Variants in ZNF804B observed in about 807,000 individuals in gnomAD.
ZNF804B encodes the protein zinc finger protein 804B, also known as zinc finger 804B.
Under a neutral mutation model 101.4 loss-of-function variants are expected in ZNF804B, and 80 were observed. The ratio of observed to expected loss-of-function variants is 0.79; its 90% CI spans 0.66 to 0.95. The LOEUF (loss-of-function observed/expected upper bound fraction) is 0.95. Among genes scored for constraint, ZNF804B ranks in the 40% least tolerant of loss-of-function variants. ZNF804B has a pLI of 0.00. For missense variants in ZNF804B, 1,673 were observed against 1,561.9 expected (o/e 1.07, Z -1.20); for synonymous variants, 622 against 558.8 (o/e 1.11, Z -1.59).
intron 3 of ZNF804B, among the ~76,000 whole-genome samples, chr7:89,331,977 A>G (rs183214995): frequency 6.6e-6 from 1 of 151,552 alleles, no homozygotes; most frequent in East Asian, 1.9e-4. Context: ...ACTATGTTCT[A>G]TTAAAATGTT....
chr7:88,844,190 C>T (rs959081976), intron 1 of ZNF804B, among the ~76,000 whole-genome samples: 1 of 152,052 alleles, frequency 6.6e-6, no homozygotes, highest in Non-Finnish European at 1.5e-5. Context: ...CATTATAATG[C>T]CAAAGAGTAT....
intron 1 of ZNF804B, among the ~76,000 whole-genome samples, chr7:88,788,666 G>A (rs1482325269): frequency 6.6e-6 from 1 of 152,104 alleles, no homozygotes; most frequent in African/African-American, 2.4e-5. Context: ...GGTGTAGGCA[G>A]GAATGCAAAC....
intron 2 of ZNF804B, among the ~76,000 whole-genome samples, chr7:89,284,723 G>GT (rs1397392435): frequency 6.6e-5 from 10 of 152,008 alleles, no homozygotes; most frequent in Admixed American, 2.0e-4. Context: ...AAAAAATAAA[G>GT]TTATTATATG....
intron 1 of ZNF804B, among the ~76,000 whole-genome samples, chr7:88,915,366 G>A (rs974064506): frequency 2.6e-5 from 4 of 151,882 alleles, no homozygotes; most frequent in South Asian, 4.1e-4. Context: ...AAAACTATAC[G>A]GGGTTAACTC....
chr7:88,941,353 G>A (rs749403113), intron 1 of ZNF804B, among the ~76,000 whole-genome samples: 4 of 151,970 alleles, frequency 2.6e-5, no homozygotes, highest in Non-Finnish European at 5.9e-5. Flanking sequence ...CTAAAACTTG[G>A]AAGTAACCAA....
At chr7:89,017,372 T>C (rs1044395780) in intron 1 of ZNF804B, among the ~76,000 whole-genome samples, 6 of 152,192 alleles carry the variant, frequency 3.9e-5, no homozygotes, top group Admixed American at 3.9e-4. Context: ...TCCAACACTA[T>C]GTTGAATAGG....
In ZNF804B at chr7:88,873,823, A is replaced by T. The variant is rs1791879813; in HGVS notation, c.108+113739A>T. On this transcript the variant is annotated intron_variant, in intron 1 of 3. Transcript: ENST00000333190. Reference sequence around the variant, plus strand: ...CTGAGGGCTCTGTTCTGTTCCATTGATCTATATCTTTGTTTTGGTACCAGT... The same window carrying T: ...CTGAGGGCTCTGTTCTGTTCCATTGTTCTATATCTTTGTTTTGGTACCAGT... Among the ~76,000 whole-genome samples the T allele has an allele frequency of 2.0e-5, 3 of 151,990 alleles. No individual in the cohort carries two copies. In the South Asian group the frequency reaches 6.2e-4, roughly 32 times the overall value.
In ZNF804B at chr7:89,112,016, G is replaced by C. The variant is rs1441164255; in HGVS notation, c.109-106139G>C. On this transcript the variant is annotated intron_variant, in intron 1 of 3. Coordinates refer to ENST00000333190, the MANE Select transcript of ZNF804B (RefSeq NM_181646.5). Reference sequence around the variant, plus strand: ...AGCTGTTTGGGAGGCTGAGGCCGGAGAATCGCTTGAACCTGGGAGACCTAG... The same window carrying C: ...AGCTGTTTGGGAGGCTGAGGCCGGACAATCGCTTGAACCTGGGAGACCTAG... Among the ~76,000 whole-genome samples the C allele has an allele frequency of 7.4e-5, 11 of 148,432 alleles. No homozygotes were observed. In the East Asian group the frequency reaches 2.2e-3, roughly 30 times the overall value.
In ZNF804B at chr7:88,942,001, G is replaced by A. The variant is rs114588188; in HGVS notation, c.108+181917G>A. 2.8e-3 allele frequency among the ~76,000 whole-genome samples: 431 copies of A among 151,942 alleles called. 1 individual carries two copies. The highest frequency in any genetic ancestry group is 9.9e-3 in the African/African-American group (411 of 41,488). On this transcript the variant is annotated intron_variant, in intron 1 of 3. Transcript: ENST00000333190. ...TTATAGACAATATCTAAGGTTTTTA[G>A]TTGTGCCTAGATGAAGGAAGCTCTT...
In ZNF804B at chr7:89,336,705, A is replaced by C. The variant is rs779827026; in HGVS notation, c.3723A>C (p.Ala1241=). ...CTCATCTACATCCTCTTTCACAGGC[A>C]CATTTCAGTCCTATTTCATTTTCGA... ...PIAHLHPLSQ[A]HFSPISFSTL... The change falls in exon 4 of 4, where the codon GCA becomes GCC. Residue 1241 remains alanine (A), a synonymous_variant. Coordinates refer to ENST00000333190, the MANE Select transcript of ZNF804B (RefSeq NM_181646.5). The C allele has an allele frequency of 2.0e-5, 32 of 1,613,968 alleles. No homozygotes were observed. Among genetic ancestry groups the C allele is most frequent in the Non-Finnish European group, 2.3e-5 (27 of 1,180,026 alleles).
intron 1 of ZNF804B, among the ~76,000 whole-genome samples, chr7:88,970,345 C>CT: frequency 2.8e-4 from 1 of 3,514 alleles, no homozygotes; most frequent in South Asian, 6.5e-3. Context: ...TATTCTGATG[C>CT]CCCCCCCCCA....
At chr7:89,332,968 T>G (rs558253911) in intron 3 of ZNF804B, among the ~76,000 whole-genome samples, 1 of 151,874 alleles carries the variant, frequency 6.6e-6, no homozygotes, top group Admixed American at 6.6e-5. Flanking sequence ...TTTATATTTT[T>G]AAAGTGGCTT....
chr7:89,076,748 T>TA (rs1292110709), intron 1 of ZNF804B, among the ~76,000 whole-genome samples: 4 of 152,106 alleles, frequency 2.6e-5, no homozygotes, highest in South Asian at 4.1e-4. Flanking sequence ...GAACTATTGT[T>TA]AAAAAATAAT....
chr7:88,829,686 T>C (rs1368904692), intron 1 of ZNF804B, among the ~76,000 whole-genome samples: 1 of 152,148 alleles, frequency 6.6e-6, no homozygotes, highest in Admixed American at 6.6e-5. Context: ...GTGATTTGTA[T>C]TTATGTGCTC....
intron 1 of ZNF804B, among the ~76,000 whole-genome samples, chr7:89,130,368 T>C (rs1016719194): frequency 1.3e-5 from 2 of 151,876 alleles, no homozygotes; most frequent in African/African-American, 4.8e-5. Context: ...GAAGGAGACA[T>C]TGACCATAGT....
chr7:89,153,527 T>A (rs12540506), intron 1 of ZNF804B, among the ~76,000 whole-genome samples: 26,277 of 151,576 alleles, frequency 0.17, 2,481 homozygotes, highest in African/African-American at 0.23. Context: ...AGAGCAAAAA[T>A]GAATTTCCGA....
At chr7:88,921,898 G>T (rs1343017044) in intron 1 of ZNF804B, among the ~76,000 whole-genome samples, 1 of 151,960 alleles carries the variant, frequency 6.6e-6, no homozygotes, top group Non-Finnish European at 1.5e-5. Context: ...AATTTCTACT[G>T]ATATATAACT....
chr7:88,995,050 G>A (rs1793901421), intron 1 of ZNF804B, among the ~76,000 whole-genome samples: 1 of 152,036 alleles, frequency 6.6e-6, no homozygotes. Context: ...ATGAATAAGG[G>A]ATGACTACTC....
At chr7:89,156,091 T>C (rs1421774323) in intron 1 of ZNF804B, among the ~76,000 whole-genome samples, 173 of 94,848 alleles carry the variant, frequency 1.8e-3, no homozygotes, top group African/African-American at 6.3e-3. Context: ...TCTCTTTCCT[T>C]TCTTTCTTTC....
Sources: gnomAD v4.1 joint callset for allele counts (sites outside exome capture counted in the v4.1 genomes callset) on GRCh38, gnomAD v4.1.1 for gene constraint, MANE v1.5 for transcripts, NCBI Gene and HGNC (gene_info 2026-07-23, HGNC 2026-07-21) for gene names.